SH3PXD2A: variants seen among roughly 807,000 people sequenced by gnomAD.
The protein encoded by SH3PXD2A is SH3 and PX domain-containing protein 2A.
SH3PXD2A carries 32 observed loss-of-function variants against 115.2 expected under a neutral mutation model. That is an observed-to-expected ratio of 0.28 (90% CI 0.21 to 0.37). SH3PXD2A has a LOEUF of 0.37. Ranked by LOEUF, SH3PXD2A falls within the 10% of genes least tolerant of loss-of-function variation. The pLI, the probability that SH3PXD2A is intolerant of heterozygous loss-of-function variation, is 1.00. For missense variants in SH3PXD2A, 1,328 were observed against 1,498.7 expected, an observed-to-expected ratio of 0.89 and a Z score of 1.88; for synonymous variants, 610 against 629.1, an observed-to-expected ratio of 0.97 and a Z score of 0.45.
intron 3 of SH3PXD2A, among the ~76,000 whole-genome samples, chr10:103,750,237 A>C (rs1301884933): frequency 6.6e-6 from 1 of 152,088 alleles, no homozygotes; most frequent in Non-Finnish European, 1.5e-5. Flanking sequence ...AATTTCTTGT[A>C]GAGATGGGGG....
Position 103,603,216 on chromosome 10 carries a change from G to C in SH3PXD2A, c.2002C>G (p.Leu668Val), listed in dbSNP as rs2036246776. The change falls in exon 15 of 15, where the codon CTC (leucine) becomes GTC (valine). Residue 668 changes from leucine to valine, a missense_variant. Physicochemically the swap from Leu to Val is conservative, Grantham distance 32. Transcript: ENST00000369774. Reference sequence around the variant, plus strand: ...TTCTTCTCTGCCTTGAGCTTTAGGAGTGATGATGACTTGGGGGAGCCTGAT... The same window carrying C: ...TTCTTCTCTGCCTTGAGCTTTAGGACTGATGATGACTTGGGGGAGCCTGAT... The part of the protein sequence containing the change: ...PKSGSPKSSS[L>V]LKLKAEKNAQ... 2 of 1,614,204 alleles carry C rather than the reference G, an allele frequency of 1.2e-6. No homozygotes were observed. The highest frequency in any genetic ancestry group is 1.7e-6 in the Non-Finnish European group (2 of 1,180,048).
At chr10:103,759,580 C>A (rs934608651) in intron 3 of SH3PXD2A, among the ~76,000 whole-genome samples, 2 of 152,212 alleles carry the variant, frequency 1.3e-5, no homozygotes, top group Non-Finnish European at 2.9e-5. Flanking sequence ...TCTTTTTGCT[C>A]CACTGCCTGG....
intron 3 of SH3PXD2A, among the ~76,000 whole-genome samples, chr10:103,738,790 ACT>A (rs2038409544): frequency 6.7e-6 from 1 of 149,144 alleles, no homozygotes; most frequent in Non-Finnish European, 1.5e-5. Context: ...TGCAGACAGA[ACT>A]CTCTTTTTTT....
intron 2 of SH3PXD2A, among the ~76,000 whole-genome samples, chr10:103,771,202 T>A (rs1178549045): frequency 6.6e-6 from 1 of 152,182 alleles, no homozygotes; most frequent in African/African-American, 2.4e-5. Flanking sequence ...AGGTGCTATA[T>A]CTCTCTGGGG....
chr10:103,684,064 G>A (rs2037645230), intron 6 of SH3PXD2A, among the ~76,000 whole-genome samples: 1 of 152,264 alleles, frequency 6.6e-6, no homozygotes, highest in South Asian at 2.1e-4. Flanking sequence ...GGGCAGGGCA[G>A]GCCCAGGGAG....
At chr10:103,792,433 T>C (rs1456066649) in intron 2 of SH3PXD2A, among the ~76,000 whole-genome samples, 1 of 152,162 alleles carries the variant, frequency 6.6e-6, no homozygotes, top group Admixed American at 6.5e-5. Context: ...TCTGGCTTTT[T>C]GGAGTTTTAA....
intron 2 of SH3PXD2A, among the ~76,000 whole-genome samples, chr10:103,771,738 A>AACACACACACACACACAC (rs3068820): frequency 6.3e-5 from 9 of 143,004 alleles, no homozygotes; most frequent in African/African-American, 2.1e-4. Flanking sequence ...CCGTCAAAAC[A>AACACACACACACACACAC]ACACACACAC....
intron 2 of SH3PXD2A, among the ~76,000 whole-genome samples, chr10:103,772,556 A>G (rs2038836037): frequency 6.6e-6 from 1 of 152,210 alleles, no homozygotes; most frequent in African/African-American, 2.4e-5. Context: ...TCGCAACCAC[A>G]TCAGAACCTC....
intron 13 of SH3PXD2A, among the ~76,000 whole-genome samples, chr10:103,606,989 C>T (rs939182977): frequency 6.6e-6 from 1 of 151,144 alleles, no homozygotes; most frequent in African/African-American, 2.4e-5. Flanking sequence ...CTCTGCCTGG[C>T]TGCTCAGTCT....
chr10:103,615,551 G>T (rs2036505706), intron 11 of SH3PXD2A, among the ~76,000 whole-genome samples: 1 of 147,506 alleles, frequency 6.8e-6, no homozygotes. Flanking sequence ...GGGAGGAGAA[G>T]AAAGACAGGA....
intron 6 of SH3PXD2A, among the ~76,000 whole-genome samples, chr10:103,675,869 C>T (rs888137492): frequency 6.6e-6 from 1 of 152,092 alleles, no homozygotes; most frequent in Non-Finnish European, 1.5e-5. Flanking sequence ...ATGTTAAACC[C>T]CATCTCTACT....
intron 5 of SH3PXD2A, among the ~76,000 whole-genome samples, chr10:103,707,199 ATT>A (rs35419059): frequency 2.8e-4 from 40 of 144,924 alleles, no homozygotes; most frequent in African/African-American, 4.3e-4. Context: ...ATATATTTCA[ATT>A]TTTTTTTTTT....
At chr10:103,819,540 C>T (rs2039356643) in intron 1 of SH3PXD2A, among the ~76,000 whole-genome samples, 1 of 151,876 alleles carries the variant, frequency 6.6e-6, no homozygotes, top group South Asian at 2.1e-4. Context: ...AGTCCCAGCT[C>T]TGAGGCTCGA....
At chr10:103,765,827 C>T (rs953466017) in intron 3 of SH3PXD2A, among the ~76,000 whole-genome samples, 3 of 152,214 alleles carry the variant, frequency 2.0e-5, no homozygotes, top group African/African-American at 7.2e-5. Context: ...CAGTGCAAAG[C>T]CAAGCAAGGA....
At position 103,620,624 on chromosome 10, in the gene SH3PXD2A, A is replaced by G. The variant is rs1298277037; in HGVS notation, c.802+1846T>C. ...TCTGCTGTTTGCAGCAAGCGTCTCC[A>G]AGCCAACTCTCTGCAAGTTTTTCTT... On this transcript the variant is annotated intron_variant, in intron 10 of 14. Transcript: ENST00000369774. This position sits in a 1 kb window ranked among gnomAD's most constrained non-coding sequence, Gnocchi z 5.3. Among the ~76,000 whole-genome samples, 1 of 152,116 alleles carries G rather than the reference A, an allele frequency of 6.6e-6. No homozygotes were observed. Among genetic ancestry groups the G allele is most frequent in the Admixed American group, 6.5e-5 (1 of 15,276 alleles).
chr10:103,855,194 C>G lies in SH3PXD2A; in HGVS notation c.72+1G>C, dbSNP rs1842929851. Reference sequence around the variant, plus strand: ...GCAGGGTCGGCGGGGGCTGTACTCACGTAGTGCTTGGAGGGGTTCCTCCGC... The same window carrying G: ...GCAGGGTCGGCGGGGGCTGTACTCAGGTAGTGCTTGGAGGGGTTCCTCCGC... On this transcript the variant is annotated splice_donor_variant, in intron 1 of 14. Coordinates refer to ENST00000369774, the MANE Select transcript of SH3PXD2A (RefSeq NM_001394015.1). LOFTEE classifies it high-confidence loss of function. The G allele has an allele frequency of 6.5e-7, 1 of 1,534,486 alleles. No individual in the cohort carries two copies. The highest frequency in any genetic ancestry group is 8.8e-7 in the Non-Finnish European group (1 of 1,138,782).
Position 103,611,585 on chromosome 10 carries a change from C to A in SH3PXD2A, c.1304G>T (p.Ser435Ile). ...GAAGAAATTCAGTACACATACCAGG[C>A]TGGATTCTCTGCGTGGTGGAGGTCT... ...RTRPPPRRES[S>I]LGFQLPKPPE... The change falls in exon 13 of 15, where the codon AGC becomes ATC. Residue 435 changes from serine to isoleucine, a missense_variant. Around this residue, in one of 5 missense-constraint regions of SH3PXD2A, gnomAD observed 509 missense variants for 628.3 expected, o/e 0.81. Transcript: ENST00000369774. 6.2e-7 allele frequency: 1 copy of A among 1,613,992 alleles called. No homozygotes were observed. The highest frequency in any genetic ancestry group is 8.5e-7 in the Non-Finnish European group (1 of 1,179,846).
chr10:103,807,797 C>T (rs369050848), intron 1 of SH3PXD2A, among the ~76,000 whole-genome samples: 13 of 152,174 alleles, frequency 8.5e-5, no homozygotes, highest in African/African-American at 3.1e-4. Context: ...TCTGGGGATG[C>T]AGGGATAGCT....
chr10:103,660,376 C>A (rs991484703), intron 8 of SH3PXD2A, among the ~76,000 whole-genome samples: 1 of 152,180 alleles, frequency 6.6e-6, no homozygotes, highest in African/African-American at 2.4e-5. Context: ...TCAGTACGGC[C>A]CCTGTCAGTG....
Sources: gnomAD v4.1 joint callset for allele counts (sites outside exome capture counted in the v4.1 genomes callset) on GRCh38, gnomAD v4.1.1 for gene constraint, gnomAD v4.1.1 regional missense constraint, Gnocchi (gnomAD v3.1) non-coding constraint, MANE v1.5 for transcripts, NCBI Gene and HGNC (gene_info 2026-07-23, HGNC 2026-07-21) for gene names.